Variants in WDR41 observed in about 807,000 individuals in gnomAD.
The protein encoded by WDR41 is WD repeat-containing protein 41.
Under a neutral mutation model 69.3 loss-of-function variants are expected in WDR41, and 63 were observed. That is an observed-to-expected ratio of 0.91 (90% CI 0.74 to 1.12). The LOEUF (loss-of-function observed/expected upper bound fraction) is 1.12. Among genes scored for constraint, WDR41 ranks in the 50% most tolerant of loss-of-function variants. WDR41 has a pLI of 0.00. For missense variants in WDR41, 543 were observed against 534.5 expected (o/e 1.02, Z -0.16); for synonymous variants, 185 against 192.1 (o/e 0.96, Z 0.31).
rs1029396711 is a variant in WDR41, at chr5:77,492,011, C to G, written c.51+159G>C. The G allele has an allele frequency of 2.8e-4, 263 of 941,186 alleles. 1 individual carries two copies. The highest frequency in any genetic ancestry group is 3.8e-4 in the Non-Finnish European group (249 of 655,792). 58.3% of individuals were successfully genotyped at this position (941,186 alleles called of 1,614,324 possible). Reference sequence around the variant, plus strand: ...TGAGGAGCTCCGGCTCCCGCGCCCTCCGCCCCCACCGTCGTGAGAACAGCG... The same window carrying G: ...TGAGGAGCTCCGGCTCCCGCGCCCTGCGCCCCCACCGTCGTGAGAACAGCG... On this transcript the variant is annotated intron_variant, in intron 1 of 12. Coordinates refer to ENST00000296679, the MANE Select transcript of WDR41 (RefSeq NM_018268.4).
At chr5:77,478,585 T>C (rs1394079408) in intron 2 of WDR41, among the ~76,000 whole-genome samples, 1 of 152,160 alleles carries the variant, frequency 6.6e-6, no homozygotes, top group African/African-American at 2.4e-5. Context: ...CACATGATTA[T>C]CTCAACAGAT....
At chr5:77,618,630 C>T (rs527265668) in intron 1 of WDR41, among the ~76,000 whole-genome samples, 1 of 152,190 alleles carries the variant, frequency 6.6e-6, no homozygotes, top group Non-Finnish European at 1.5e-5. Flanking sequence ...GCCTCGGCCT[C>T]CTGAAGTGCT....
intron 1 of WDR41, among the ~76,000 whole-genome samples, chr5:77,598,680 T>A (rs1297908858): frequency 6.8e-6 from 1 of 147,924 alleles, no homozygotes; most frequent in Non-Finnish European, 1.5e-5. Context: ...TTAGCTTGAG[T>A]TGAGTTGTCT....
At chr5:77,519,570 T>C (rs547716884) in intron 1 of WDR41, among the ~76,000 whole-genome samples, 4 of 152,184 alleles carry the variant, frequency 2.6e-5, no homozygotes, top group African/African-American at 4.8e-5. Context: ...ATATTAGACC[T>C]GAAAATAGTT....
chr5:77,483,129 T>C (rs1340161154), intron 2 of WDR41, among the ~76,000 whole-genome samples: 2 of 152,106 alleles, frequency 1.3e-5, no homozygotes, highest in East Asian at 3.9e-4. Flanking sequence ...AGATGCTATA[T>C]AAGCTGAAGT....
intron 1 of WDR41, among the ~76,000 whole-genome samples, chr5:77,576,834 T>A (rs556476920): frequency 6.6e-6 from 1 of 152,320 alleles, no homozygotes; most frequent in South Asian, 2.1e-4. Context: ...AACGTCACTC[T>A]CAGACCAATT....
chr5:77,493,760 C>CACGTG (rs1323969193), upstream of WDR41, among the ~76,000 whole-genome samples: 9 of 152,198 alleles, frequency 5.9e-5, no homozygotes, highest in Non-Finnish European at 8.8e-5. Context: ...GGAATATCTT[C>CACGTG]ACGTGAGACA....
In WDR41 at chr5:77,618,770, T is replaced by C. The variant is rs115359719; in HGVS notation, c.42+1709A>G. 2.7e-3 allele frequency among the ~76,000 whole-genome samples: 409 copies of C among 152,326 alleles called. 2 individuals carry two copies. The highest frequency in any genetic ancestry group is 9.5e-3 in the African/African-American group (395 of 41,572). On this transcript the variant is annotated intron_variant, in intron 1 of 5. Transcript: ENST00000509971. ...AACAAAGAAGGGGGACCAGAAAAGC[T>C]ATCTTTGAACATGTGAGGACCTGTC...
intron 1 of WDR41, among the ~76,000 whole-genome samples, chr5:77,586,811 C>G (rs112901776): frequency 6.7e-6 from 1 of 149,512 alleles, no homozygotes; most frequent in Non-Finnish European, 1.5e-5. Context: ...CTCCGCCTCC[C>G]GGGTTCAAGC....
intron 1 of WDR41, among the ~76,000 whole-genome samples, chr5:77,613,342 T>A (rs1744605518): frequency 6.6e-6 from 1 of 152,072 alleles, no homozygotes; most frequent in Non-Finnish European, 1.5e-5. Context: ...GCCAAGCCAA[T>A]CCTAAGCCAA....
intron 1 of WDR41, among the ~76,000 whole-genome samples, chr5:77,509,560 C>A (rs780067799): frequency 2.4e-4 from 37 of 152,130 alleles, no homozygotes; most frequent in Non-Finnish European, 4.6e-4. Flanking sequence ...CATTGATGAT[C>A]ATTGAAAACA....
Position 77,508,320 on chromosome 5 carries a change from C to T in WDR41, c.43-18748G>A, listed in dbSNP as rs539193143. ...TAGCGACAGGGTTTCTCCATTGTTG[C>T]CCAGACTGATCTTGAACTCCTGGGC... On this transcript the variant is annotated intron_variant, in intron 1 of 5. Transcript: ENST00000509971. Among the ~76,000 whole-genome samples, 200 of 152,186 alleles carry T rather than the reference C, an allele frequency of 1.3e-3. 4 individuals are homozygous for T. The South Asian group carries it at 0.023, about 17-fold the overall frequency.
chr5:77,475,121 C>T (rs918893226), intron 2 of WDR41, among the ~76,000 whole-genome samples: 32 of 152,164 alleles, frequency 2.1e-4, no homozygotes, highest in African/African-American at 2.7e-4. Context: ...GCTTAAAAAA[C>T]GGCGCACCAG....
intron 8 of WDR41, among the ~76,000 whole-genome samples, chr5:77,445,138 A>G (rs569130643): frequency 2.0e-5 from 3 of 152,358 alleles, no homozygotes; most frequent in African/African-American, 7.2e-5. Flanking sequence ...CTACCATCAG[A>G]TAATACTATA....
chr5:77,577,073 A>C (rs1393492047), intron 1 of WDR41, among the ~76,000 whole-genome samples: 1 of 152,172 alleles, frequency 6.6e-6, no homozygotes, highest in Non-Finnish European at 1.5e-5. Context: ...TTTTCTCCTC[A>C]GCCTAGCCAC....
chr5:77,520,239 C>T (rs776831208), intron 1 of WDR41, among the ~76,000 whole-genome samples: 2 of 152,166 alleles, frequency 1.3e-5, no homozygotes, highest in Non-Finnish European at 2.9e-5. Flanking sequence ...CGCTAATAAA[C>T]GTGCATTGAC....
At chr5:77,467,651 A>G (rs1452352044) in intron 2 of WDR41, among the ~76,000 whole-genome samples, 1 of 152,054 alleles carries the variant, frequency 6.6e-6, no homozygotes, top group Non-Finnish European at 1.5e-5. Flanking sequence ...TTGCCAGTCT[A>G]ATGAATCTCT....
chr5:77,436,964 G>T (rs767697190), intron 11 of WDR41, among the ~76,000 whole-genome samples: 1 of 152,162 alleles, frequency 6.6e-6, no homozygotes, highest in Non-Finnish European at 1.5e-5. Context: ...CATAAATTAA[G>T]TTCAACATCA....
At chr5:77,605,618 G>T (rs565976949) in intron 1 of WDR41, among the ~76,000 whole-genome samples, 1 of 152,166 alleles carries the variant, frequency 6.6e-6, no homozygotes, top group African/African-American at 2.4e-5. Context: ...AAAGACAAAG[G>T]CTCAGATAGG....
Sources: gnomAD v4.1 joint callset for allele counts (sites outside exome capture counted in the v4.1 genomes callset) on GRCh38, gnomAD v4.1.1 for gene constraint, MANE v1.5 for transcripts, NCBI Gene and HGNC (gene_info 2026-07-23, HGNC 2026-07-21) for gene names.